RYR3: variants seen among roughly 807,000 people sequenced by gnomAD.
The protein encoded by RYR3 is brain ryanodine receptor-calcium release channel.
Under a neutral mutation model 584.3 loss-of-function variants are expected in RYR3, and 207 were observed. The observed-to-expected ratio is 0.35, with a 90% CI of 0.32 to 0.40. The LOEUF (loss-of-function observed/expected upper bound fraction) is 0.40, where lower values mean the gene tolerates loss of function less well. Among genes scored for constraint, RYR3 ranks in the 10% least tolerant of loss-of-function variants. The probability of loss-of-function intolerance (pLI) is 1.00; values close to 1 mark genes in which losing one functional copy is unlikely to be tolerated. For synonymous variants in RYR3, 2,416 were observed against 2,248.5 expected, an observed-to-expected ratio of 1.07 and a Z score of -2.11; for missense variants, 5,616 against 6,089.2, an observed-to-expected ratio of 0.92 and a Z score of 2.59.
chr15:33,703,884 G>T (rs766063629), intron 42 of RYR3, among the ~76,000 whole-genome samples: 1 of 152,092 alleles, frequency 6.6e-6, no homozygotes, highest in Non-Finnish European at 1.5e-5. Context: ...ATCAAGGAAA[G>T]AATCTATTTA....
chr15:33,550,141 G>A lies in RYR3; in HGVS notation c.816-19G>A. On this transcript the variant is annotated intron_variant, in intron 9 of 103. Transcript: ENST00000634891. ...TATTTTTGTATAAATGCAATTTCTT[G>A]TCTGTTTCATCTGCCCAGCTGGAGT... 2 of 1,605,820 alleles carry A rather than the reference G, an allele frequency of 1.2e-6. No individual in the cohort carries two copies. The highest frequency in any genetic ancestry group is 1.7e-6 in the Non-Finnish European group (2 of 1,177,526).
chr15:33,314,923 A>AAAC (rs796801869), intron 1 of RYR3, among the ~76,000 whole-genome samples: 5 of 91,442 alleles, frequency 5.5e-5, no homozygotes, highest in African/African-American at 2.1e-4. Context: ...CAAAGAAAAC[A>AAAC]AACAACAAAA....
At chr15:33,348,626 C>T (rs1972782436) in intron 1 of RYR3, among the ~76,000 whole-genome samples, 2 of 152,132 alleles carry the variant, frequency 1.3e-5, no homozygotes, top group Non-Finnish European at 2.9e-5. Flanking sequence ...CAGGCGTGCG[C>T]CACCATGCCC....
chr15:33,315,612 G>C (rs942730974), intron 1 of RYR3, among the ~76,000 whole-genome samples: 3 of 152,124 alleles, frequency 2.0e-5, no homozygotes, highest in Non-Finnish European at 2.9e-5. Context: ...TGCTTCCTTC[G>C]CTTCTCAGAG....
chr15:33,842,614 C>G (rs1160663753), intron 91 of RYR3, among the ~76,000 whole-genome samples: 1 of 152,186 alleles, frequency 6.6e-6, no homozygotes, highest in Non-Finnish European at 1.5e-5. Flanking sequence ...GCAGCTTCCA[C>G]TCCAGTCTGT....
intron 43 of RYR3, among the ~76,000 whole-genome samples, chr15:33,714,913 C>T (rs2067386113): frequency 6.6e-6 from 1 of 152,176 alleles, no homozygotes; most frequent in South Asian, 2.1e-4. Flanking sequence ...GGAATAATTA[C>T]TAAAAACTTT....
chr15:33,434,006 G>A (rs2045440687), intron 1 of RYR3, among the ~76,000 whole-genome samples: 1 of 152,144 alleles, frequency 6.6e-6, no homozygotes, highest in African/African-American at 2.4e-5. Context: ...ACTTCACACA[G>A]CATTCCAACT....
At position 33,706,909 on chromosome 15, in the gene RYR3, T is replaced by G; in HGVS notation, c.6484-10T>G. On this transcript the variant is annotated splice_polypyrimidine_tract_variant and intron_variant, in intron 42 of 103. Coordinates refer to ENST00000634891, the MANE Select transcript of RYR3 (RefSeq NM_001036.6). The stretch of plus-strand genomic sequence containing the variant: ...CGTGCGAAAGAACACTTTTGTACTG[T>G]TTCTGGCAGGTGGTGACCTACTTGG... 6.3e-7 allele frequency: 1 copy of G among 1,593,070 alleles called. No individual in the cohort carries two copies. Among genetic ancestry groups the G allele is most frequent in the South Asian group, 1.1e-5 (1 of 88,096 alleles).
chr15:33,657,828 A>G (rs1238960296), intron 32 of RYR3, among the ~76,000 whole-genome samples: 4 of 152,236 alleles, frequency 2.6e-5, no homozygotes, highest in South Asian at 2.1e-4. Flanking sequence ...TAGAAGGATC[A>G]TGTACTGGAT....
intron 38 of RYR3, among the ~76,000 whole-genome samples, chr15:33,690,901 A>G (rs1335921747): frequency 3.3e-5 from 5 of 152,210 alleles, no homozygotes; most frequent in African/African-American, 4.8e-5. Context: ...AGATACTTTT[A>G]TGAAAACTAA....
At chr15:33,461,195 C>T (rs2048014654) in intron 1 of RYR3, among the ~76,000 whole-genome samples, 1 of 151,968 alleles carries the variant, frequency 6.6e-6, no homozygotes, top group African/African-American at 2.4e-5. Context: ...CCGCCCGCCT[C>T]GGCCTCCCAA....
At chr15:33,341,070 ACT>A (rs1211051834) in intron 1 of RYR3, among the ~76,000 whole-genome samples, 1 of 151,852 alleles carries the variant, frequency 6.6e-6, no homozygotes, top group African/African-American at 2.4e-5. Context: ...ACAGAGTCTC[ACT>A]CTGTCACTCA....
chr15:33,783,579 C>T (rs1360521013), intron 65 of RYR3, among the ~76,000 whole-genome samples: 1 of 152,220 alleles, frequency 6.6e-6, no homozygotes, highest in Admixed American at 6.5e-5. Context: ...AAAAAGTGTT[C>T]ATGATGATGT....
intron 1 of RYR3, among the ~76,000 whole-genome samples, chr15:33,314,038 T>C (rs569424857): frequency 6.6e-5 from 10 of 152,328 alleles, no homozygotes; most frequent in South Asian, 4.1e-4. Flanking sequence ...TGTCCTCTGA[T>C]ACATTTGGAA....
chr15:33,634,481 A>G, intron 24 of RYR3, 105 bp from the exon 25 acceptor site: 1 of 1,139,624 alleles, frequency 8.8e-7, no homozygotes, highest in Non-Finnish European at 1.3e-6. Flanking sequence ...TAATAGACCT[A>G]GAGCGACCAG....
At position 33,554,388 on chromosome 15, in the gene RYR3, C is replaced by T. The variant is rs549066729; in HGVS notation, c.972+4072C>T. Among the ~76,000 whole-genome samples the T allele has an allele frequency of 1.3e-3, 196 of 151,048 alleles. 3 individuals carry two copies. The highest frequency in any genetic ancestry group is 4.1e-3 in the African/African-American group (167 of 41,090). Reference sequence around the variant, plus strand: ...TCGACTCACTGCAAGCTCCGCCTCCCGGCTTCACGCCATTCTCCTGCCTCA... The same window carrying T: ...TCGACTCACTGCAAGCTCCGCCTCCTGGCTTCACGCCATTCTCCTGCCTCA... On this transcript the variant is annotated intron_variant, in intron 10 of 103. Transcript: ENST00000634891.
In RYR3 at chr15:33,760,886, C is replaced by T. The variant is rs149304036; in HGVS notation, c.8705+3290C>T. On this transcript the variant is annotated intron_variant, in intron 60 of 103. Transcript: ENST00000634891. The stretch of plus-strand genomic sequence containing the variant: ...TCAGCAAATGTAAAAGAACAGAAAT[C>T]ACAACAAACTGTCTCTCAGACCACA... 6.3e-3 allele frequency among the ~76,000 whole-genome samples: 964 copies of T among 152,164 alleles called. 7 individuals are homozygous for T. Among genetic ancestry groups the T allele is most frequent in the African/African-American group, 0.022 (901 of 41,532 alleles).
intron 1 of RYR3, among the ~76,000 whole-genome samples, chr15:33,328,785 TA>T (rs1970043268): frequency 1.3e-5 from 2 of 152,186 alleles, no homozygotes; most frequent in Admixed American, 6.5e-5. Flanking sequence ...TCTAAACTTG[TA>T]AAAGTACTTT....
intron 2 of RYR3, among the ~76,000 whole-genome samples, chr15:33,498,049 C>CT (rs1567375210): frequency 6.6e-6 from 1 of 152,148 alleles, no homozygotes; most frequent in Non-Finnish European, 1.5e-5. Context: ...GGATTTTAAT[C>CT]TTTTTTATGG....
Sources: gnomAD v4.1 joint callset for allele counts (sites outside exome capture counted in the v4.1 genomes callset) on GRCh38, gnomAD v4.1.1 for gene constraint, MANE v1.5 for transcripts, NCBI Gene and HGNC (gene_info 2026-07-23, HGNC 2026-07-21) for gene names.